CCNH: variants seen among roughly 807,000 people sequenced by gnomAD.
The protein encoded by CCNH is cyclin H.
In CCNH, 31 loss-of-function variants were observed where a neutral mutation model predicts 41.9. The ratio of observed to expected loss-of-function variants is 0.74; its 90% confidence interval spans 0.56 to 1.00. CCNH has a LOEUF of 1.00. Among genes scored for constraint, CCNH ranks in the 50% least tolerant of loss-of-function variants. CCNH has a pLI of 0.00. For missense variants in CCNH, 362 were observed against 388.4 expected, an observed-to-expected ratio of 0.93 and a Z score of 0.57; for synonymous variants, 138 against 136.1, an observed-to-expected ratio of 1.01 and a Z score of -0.10.
At chr5:87,344,338 A>C (rs2112407839) in intron 9 of CCNH, among the ~76,000 whole-genome samples, 1 of 152,250 alleles carries the variant, frequency 6.6e-6, no homozygotes, top group Non-Finnish European at 1.5e-5. Flanking sequence ...ATTACCCATA[A>C]AAACAGAAAA....
At chr5:87,408,738 T>G (rs1003167007) in intron 3 of CCNH, among the ~76,000 whole-genome samples, 1 of 152,114 alleles carries the variant, frequency 6.6e-6, no homozygotes, top group Non-Finnish European at 1.5e-5. Context: ...TAAAAAACAG[T>G]TGGCAGTGAG....
At chr5:87,361,413 G>A (rs1264612929) in intron 9 of CCNH, among the ~76,000 whole-genome samples, 1 of 152,078 alleles carries the variant, frequency 6.6e-6, no homozygotes, top group Non-Finnish European at 1.5e-5. Flanking sequence ...TCAAGATAGA[G>A]GATTATGAAA....
At chr5:87,389,846 A>AGTT (rs567126578), downstream of CCNH, among the ~76,000 whole-genome samples, 20 of 151,994 alleles carry the variant, frequency 1.3e-4, no homozygotes, top group Admixed American at 5.9e-4. Context: ...TTTTTCTTTC[A>AGTT]GTTTCTGTCT....
chr5:87,320,460 G>C (rs1481768261), intron 9 of CCNH, among the ~76,000 whole-genome samples: 3 of 152,188 alleles, frequency 2.0e-5, no homozygotes, highest in African/African-American at 7.2e-5. Flanking sequence ...CTGTACAGGA[G>C]TCATGGCTGG....
downstream of CCNH, among the ~76,000 whole-genome samples, chr5:87,387,915 G>T (rs891823362): frequency 2.0e-5 from 3 of 152,122 alleles, no homozygotes; most frequent in Admixed American, 6.5e-5. Context: ...TGTGTGAGAA[G>T]TTATGCCACA....
At chr5:87,392,592 T>C (rs76978038), downstream of CCNH, 3 of 283,224 alleles carry the variant, frequency 1.1e-5, no homozygotes, top group East Asian at 2.9e-4. Context: ...AGTCAAGATA[T>C]TTTTGCTGTG....
At chr5:87,350,131 A>G (rs1759152477) in intron 9 of CCNH, among the ~76,000 whole-genome samples, 2 of 151,882 alleles carry the variant, frequency 1.3e-5, no homozygotes. Flanking sequence ...ATTTGAGTGA[A>G]TAGAGATTCT....
rs755634472 is a variant in CCNH at position 87,353,183 on chromosome 5, G to A, written c.*91-34286C>T. 2.9e-5 allele frequency: 47 copies of A among 1,610,364 alleles called. No individual in the cohort carries two copies. The highest frequency in any genetic ancestry group is 6.7e-5 in the East Asian group (3 of 44,674). ...ATTGGGGACATCATAGATCACTATC[G>A]AAAAGAACAGATTGTTGAAGGATAT... On this transcript the variant is annotated intron_variant and NMD_transcript_variant, in intron 9 of 9. Transcript: ENST00000645953.
chr5:87,353,827 C>T (rs993939103), intron 9 of CCNH, among the ~76,000 whole-genome samples: 2 of 152,044 alleles, frequency 1.3e-5, no homozygotes, highest in Non-Finnish European at 2.9e-5. Flanking sequence ...GCAAGAGAGC[C>T]TGTTAAATGT....
In CCNH at chr5:87,363,216, T is replaced by C. The variant is rs1580356107; in HGVS notation, c.*90+29554A>G. The stretch of plus-strand genomic sequence containing the variant: ...TTGTTATAGGCATTTTCTCATTATG[T>C]AAGAATTGGCATATTACATAAGCTT... On this transcript the variant is annotated intron_variant and NMD_transcript_variant, in intron 9 of 9. Transcript: ENST00000645953. 2.3e-5 allele frequency: 19 copies of C among 831,126 alleles called. No individual in the cohort carries two copies. The South Asian group carries it at 3.2e-4, about 14-fold the overall frequency. The allele number at this position is 831,126 out of a possible 1,614,324, so 51.5% of individuals were successfully genotyped here. A position where few individuals can be genotyped will look rare whatever the true frequency, so the allele number is the denominator to read the frequency against.
chr5:87,372,230 C>A, downstream of CCNH: 1 of 1,571,940 alleles, frequency 6.4e-7, no homozygotes, highest in Non-Finnish European at 8.8e-7. Context: ...TTAATTGTCA[C>A]ATTTTGCTCT....
chr5:87,332,263 T>C (rs1441421575), intron 9 of CCNH, among the ~76,000 whole-genome samples: 1 of 152,060 alleles, frequency 6.6e-6, no homozygotes, highest in African/African-American at 2.4e-5. Context: ...TTTGATGGAA[T>C]TCTGTAATTG....
At chr5:87,407,649 T>G (rs1763899245) in intron 4 of CCNH, among the ~76,000 whole-genome samples, 2 of 152,166 alleles carry the variant, frequency 1.3e-5, no homozygotes, top group African/African-American at 4.8e-5. Flanking sequence ...AGAGTTATCT[T>G]AAGCCTTTAT....
At chr5:87,395,186 G>C (rs972315555) in intron 7 of CCNH, 82 bp from the exon 8 acceptor site, 27 of 1,209,080 alleles carry the variant, frequency 2.2e-5, no homozygotes, top group Middle Eastern at 2.0e-4. Flanking sequence ...CAAGGCTATA[G>C]GCAATATCAT....
intron 5 of CCNH, among the ~76,000 whole-genome samples, chr5:87,402,957 G>A (rs1445919996): frequency 3.9e-5 from 6 of 151,926 alleles, no homozygotes; most frequent in Admixed American, 3.9e-4. Context: ...ATAATATTGT[G>A]GTGTTTTAAT....
intron 8 of CCNH, 31 bp from the exon 9 acceptor site, chr5:87,394,515 A>C (rs766854923): frequency 4.3e-6 from 7 of 1,612,632 alleles, no homozygotes; most frequent in Non-Finnish European, 5.9e-6. Context: ...GGTAAGGATA[A>C]CACTGAAGCA....
upstream of CCNH, among the ~76,000 whole-genome samples, chr5:87,382,011 G>C (rs576173095): frequency 6.6e-6 from 1 of 152,250 alleles, no homozygotes; most frequent in African/African-American, 2.4e-5. Flanking sequence ...GAGTGCAGTG[G>C]TGTGATTTCG....
chr5:87,338,536 A>ATATATATATATATATATTTTT, intron 9 of CCNH, among the ~76,000 whole-genome samples: 5 of 85,218 alleles, frequency 5.9e-5, no homozygotes, highest in East Asian at 9.9e-4. Context: ...TATATATAAA[A>ATATATATATATATATATTTTT]TTTTTTTTTT....
At chr5:87,409,222 C>G in intron 3 of CCNH, 68 bp downstream of exon 3, 1 of 897,224 alleles carries the variant, frequency 1.1e-6, no homozygotes, top group Non-Finnish European at 1.7e-6. Context: ...TCTCTCCTCC[C>G]AAAAAATACT....
Sources: gnomAD v4.1 joint callset for allele counts (sites outside exome capture counted in the v4.1 genomes callset) on GRCh38, gnomAD v4.1.1 for gene constraint, MANE v1.5 for transcripts, NCBI Gene and HGNC (gene_info 2026-07-23, HGNC 2026-07-21) for gene names.